Variants in HS3ST4 observed in about 807,000 individuals in gnomAD.
HS3ST4 encodes the protein heparan sulfate-glucosamine 3-sulfotransferase 4.
In HS3ST4, 17 loss-of-function variants were observed where a neutral mutation model predicts 29.2. The observed-to-expected ratio is 0.58, with a 90% CI of 0.40 to 0.87. HS3ST4 has a LOEUF of 0.87. HS3ST4 is among the 40% of genes least tolerant of loss of function. The probability of loss-of-function intolerance (pLI) is 0.00; values close to 1 mark genes in which losing one functional copy is unlikely to be tolerated. For synonymous variants in HS3ST4, 314 were observed against 285.7 expected (o/e 1.10, Z -1.00); for missense variants, 627 against 634.5 (o/e 0.99, Z 0.13).
chr16:25,824,679 C>T (rs1967198647), intron 1 of HS3ST4: 1 of 152,202 alleles, frequency 6.6e-6, no homozygotes, highest in Admixed American at 6.5e-5. Context: ...GGTGGGGACA[C>T]AGCCAAACCA....
At chr16:25,714,151 A>T (rs1245093506) in intron 1 of HS3ST4, among the ~76,000 whole-genome samples, 3 of 152,226 alleles carry the variant, frequency 2.0e-5, no homozygotes, top group Non-Finnish European at 4.4e-5. Flanking sequence ...TCCAAAAAAA[A>T]GCACCCTTTA....
chr16:26,126,195 G>T (rs1352397543), intron 1 of HS3ST4, among the ~76,000 whole-genome samples: 1 of 152,170 alleles, frequency 6.6e-6, no homozygotes, highest in Non-Finnish European at 1.5e-5. Flanking sequence ...CACACCCTCT[G>T]AGTCAATGTT....
At chr16:25,799,533 C>T (rs1424233876) in intron 1 of HS3ST4, among the ~76,000 whole-genome samples, 1 of 152,064 alleles carries the variant, frequency 6.6e-6, no homozygotes, top group Non-Finnish European at 1.5e-5. Context: ...GAACCATCAT[C>T]AACAATTTAA....
intron 1 of HS3ST4, among the ~76,000 whole-genome samples, chr16:25,736,597 A>C (rs1165644747): frequency 6.6e-6 from 1 of 152,234 alleles, no homozygotes; most frequent in African/African-American, 2.4e-5. Flanking sequence ...CATGGAAAGA[A>C]CATCCTTATA....
At chr16:25,726,088 G>C (rs1477771230) in intron 1 of HS3ST4, among the ~76,000 whole-genome samples, 1 of 152,128 alleles carries the variant, frequency 6.6e-6, no homozygotes, top group Non-Finnish European at 1.5e-5. Flanking sequence ...GGCTGGCCAA[G>C]GCCCACTAAA....
At chr16:26,080,982 A>G (rs1436376528) in intron 1 of HS3ST4, among the ~76,000 whole-genome samples, 1 of 152,156 alleles carries the variant, frequency 6.6e-6, no homozygotes, top group Non-Finnish European at 1.5e-5. Flanking sequence ...CCCCAGCCTT[A>G]CTGAGTCAAA....
chr16:25,716,357 A>T (rs1351990905), intron 1 of HS3ST4, among the ~76,000 whole-genome samples: 1 of 152,170 alleles, frequency 6.6e-6, no homozygotes, highest in Non-Finnish European at 1.5e-5. Context: ...TGGCTTCATG[A>T]GGTTAAGTTT....
chr16:26,132,300 CA>C (rs1899430408), intron 1 of HS3ST4, among the ~76,000 whole-genome samples: 1 of 152,142 alleles, frequency 6.6e-6, no homozygotes, highest in Non-Finnish European at 1.5e-5. Context: ...TTCTCACTGA[CA>C]AAATAACTGG....
chr16:26,002,511 A>G (rs1969220480), intron 1 of HS3ST4, among the ~76,000 whole-genome samples: 1 of 152,132 alleles, frequency 6.6e-6, no homozygotes, highest in Admixed American at 6.6e-5. Context: ...CTGACTGGAA[A>G]TCTGACTAGC....
intron 1 of HS3ST4, among the ~76,000 whole-genome samples, chr16:26,021,359 G>A (rs1265734567): frequency 6.6e-6 from 1 of 152,168 alleles, no homozygotes; most frequent in Non-Finnish European, 1.5e-5. Flanking sequence ...AGATGGATGA[G>A]ATGGGACAGA....
chr16:26,081,580 G>A (rs1005578426), intron 1 of HS3ST4, among the ~76,000 whole-genome samples: 1 of 152,122 alleles, frequency 6.6e-6, no homozygotes, highest in Non-Finnish European at 1.5e-5. Flanking sequence ...AAGATTCACT[G>A]TGGGGCATAA....
At chr16:25,810,664 T>G (rs1471129969) in intron 1 of HS3ST4, among the ~76,000 whole-genome samples, 2 of 152,230 alleles carry the variant, frequency 1.3e-5, no homozygotes, top group Non-Finnish European at 2.9e-5. Flanking sequence ...ATTTTTATAT[T>G]GCTAATGCAG....
At position 25,692,689 on chromosome 16, in the gene HS3ST4, T is replaced by A; in HGVS notation, c.272T>A (p.Leu91His). Reference sequence around the variant, plus strand: ...TCTCTGCTGCCTACCCCCGTGCGCCTCGGCGCCCCCTCGCAGCCGCCCGCG... The same window carrying A: ...TCTCTGCTGCCTACCCCCGTGCGCCACGGCGCCCCCTCGCAGCCGCCCGCG... ...PPSLLPTPVR[L>H]GAPSQPPAPP... The change falls in exon 1 of 2, where the codon CTC (leucine) becomes CAC (histidine). Residue 91 changes from leucine to histidine, a missense_variant. Physicochemically the swap from Leu to His is moderately conservative, Grantham distance 99. Coordinates refer to ENST00000331351, the MANE Select transcript of HS3ST4 (RefSeq NM_006040.3). The A allele has an allele frequency of 8.1e-7, 1 of 1,229,396 alleles. No individual in the cohort carries two copies. The highest frequency in any genetic ancestry group is 1.0e-6 in the Non-Finnish European group (1 of 989,184). 76.2% of individuals were successfully genotyped at this position (1,229,396 alleles called of 1,614,324 possible). A position where few individuals can be genotyped will look rare whatever the true frequency, so the allele number is the denominator to read the frequency against.
intron 1 of HS3ST4, among the ~76,000 whole-genome samples, chr16:25,904,155 A>ATGG (rs1567268992): frequency 3.8e-5 from 2 of 52,648 alleles, no homozygotes; most frequent in East Asian, 1.0e-3. Flanking sequence ...TGGATGGATG[A>ATGG]ATGGATGAAT....
At chr16:25,823,241 T>C (rs1268460739) in intron 1 of HS3ST4, among the ~76,000 whole-genome samples, 1 of 152,232 alleles carries the variant, frequency 6.6e-6, no homozygotes, top group African/African-American at 2.4e-5. Context: ...GGGATGCTCT[T>C]ACACGTTGTG....
chr16:25,956,709 T>C (rs1473046932), intron 1 of HS3ST4, among the ~76,000 whole-genome samples: 2 of 152,126 alleles, frequency 1.3e-5, no homozygotes, highest in Non-Finnish European at 2.9e-5. Context: ...TTTAAAAGCA[T>C]GGGTTTTGGC....
intron 1 of HS3ST4, among the ~76,000 whole-genome samples, chr16:25,948,425 C>T (rs145251528): frequency 2.4e-4 from 36 of 152,104 alleles, no homozygotes; most frequent in Middle Eastern, 6.8e-3. Context: ...GTGATGGGGC[C>T]GTGCATCTTC....
chr16:25,952,613 AG>A (rs1228872841), intron 1 of HS3ST4, among the ~76,000 whole-genome samples: 3 of 152,214 alleles, frequency 2.0e-5, no homozygotes, highest in Non-Finnish European at 4.4e-5. Flanking sequence ...CACTCAGCAC[AG>A]GGCCTGGCAC....
chr16:26,024,568 C>G (rs1436609114), intron 1 of HS3ST4, among the ~76,000 whole-genome samples: 1 of 151,938 alleles, frequency 6.6e-6, no homozygotes, highest in Non-Finnish European at 1.5e-5. Context: ...CCTGTCTCTA[C>G]TAAAAATACA....
Sources: allele counts gnomAD v4.1 joint callset (sites outside exome capture counted in the v4.1 genomes callset), GRCh38; gene constraint gnomAD v4.1.1; transcripts MANE v1.5; gene names NCBI Gene and HGNC (gene_info 2026-07-23, HGNC 2026-07-21).